RAB9B: variants seen among roughly 807,000 people sequenced by gnomAD.
The protein encoded by RAB9B is RAB9B, member RAS oncogene family, also known as ras-related protein Rab-9B.
RAB9B carries 1 observed loss-of-function variant against 8.9 expected under a neutral mutation model. The ratio of observed to expected loss-of-function variants is 0.11; its 90% confidence interval spans 0.04 to 0.53. The LOEUF (loss-of-function observed/expected upper bound fraction) is 0.53. Ranked by LOEUF, RAB9B falls within the 20% of genes least tolerant of loss-of-function variation. RAB9B has a pLI of 0.93. For missense variants in RAB9B, 82 were observed against 152.9 expected (o/e 0.54, Z 2.45); for synonymous variants, 63 against 57.0 (o/e 1.10, Z -0.47).
At chrX:103,779,424 GACTA>G in the RAB9B span, among the ~76,000 whole-genome samples, 3 of 111,779 alleles carry the variant, frequency 2.7e-5, no homozygotes, top group Non-Finnish European at 3.8e-5. Context: ...AATGCCCGAA[GACTA>G]ACTGAGTCCC....
the RAB9B span, chrX:103,790,384 G>A: frequency 1.8e-6 from 1 of 558,633 alleles, no homozygotes; most frequent in South Asian, 2.4e-5. Context: ...CCAAGCCTGG[G>A]ATGTACTGCT....
chrX:103,777,460 C>T, the RAB9B span, among the ~76,000 whole-genome samples: 8 of 111,973 alleles, frequency 7.1e-5, no homozygotes, highest in East Asian at 1.4e-3. Context: ...AGCTGGGGAT[C>T]GGGCAAGCTG....
At chrX:103,788,387 C>T in the RAB9B span, 1 of 901,139 alleles carries the variant, frequency 1.1e-6, no homozygotes, top group African/African-American at 2.0e-5. Flanking sequence ...CTCCATGTGG[C>T]CCCGTAACTC....
chrX:103,812,852 C>A, the RAB9B span, among the ~76,000 whole-genome samples: 5 of 109,916 alleles, frequency 4.5e-5, no homozygotes, highest in Non-Finnish European at 9.5e-5. Flanking sequence ...TCTCTGTGTC[C>A]TCCAAACTAC....
the RAB9B span, chrX:103,785,519 G>A: frequency 3.3e-5 from 32 of 970,243 alleles, no homozygotes; most frequent in Non-Finnish European, 4.6e-5. Flanking sequence ...CCTGGCAGAG[G>A]GGTTTGAGTG....
intron 1 of RAB9B, among the ~76,000 whole-genome samples, chrX:103,827,327 A>G (rs1479781712): frequency 8.9e-6 from 1 of 112,037 alleles, no homozygotes; most frequent in East Asian, 2.8e-4. Flanking sequence ...TACATTTTAT[A>G]TTGTCTCTCA....
At chrX:103,788,410 C>T in the RAB9B span, 16 of 1,143,417 alleles carry the variant, frequency 1.4e-5, no homozygotes, top group Admixed American at 4.4e-5. Context: ...TAAAGCTTAC[C>T]CTGCTTGCTT....
At chrX:103,781,486 C>T in the RAB9B span, among the ~76,000 whole-genome samples, 1 of 112,328 alleles carries the variant, frequency 8.9e-6, no homozygotes, top group Non-Finnish European at 1.9e-5. Flanking sequence ...GCCCACACAA[C>T]TTCGTTATAT....
At chrX:103,790,663 T>C in the RAB9B span, 17 of 824,648 alleles carry the variant, frequency 2.1e-5, no homozygotes, top group Admixed American at 1.8e-4. Context: ...CAATGCTGCG[T>C]CTCCCATCTT....
At position 103,824,481 on chromosome X, in the gene RAB9B, T is replaced by C. The variant is rs1192017822; in HGVS notation, c.*698A>G. ...TTATTTGCAAAGGTGGTTGGCATAT[T>C]TAAGCATAATCCATTCACTAGTATC... On this transcript the variant is annotated 3_prime_UTR_variant, in exon 3 of 3. Transcript: ENST00000243298. 8.9e-6 allele frequency: 1 copy of C among 112,365 alleles called. No individual in the cohort carries two copies. Among genetic ancestry groups the C allele is most frequent in the Admixed American group, 9.4e-5 (1 of 10,617 alleles). The allele number at this position is 112,365 out of a possible 1,213,427, so 9.3% of individuals were successfully genotyped here.
the RAB9B span, among the ~76,000 whole-genome samples, chrX:103,805,090 A>G: frequency 0.23 from 25,627 of 110,885 alleles, 2,406 homozygotes; most frequent in Admixed American, 0.32. Context: ...TTGATCATAG[A>G]AGGAAAGCTT....
At chrX:103,808,758 G>T in the RAB9B span, among the ~76,000 whole-genome samples, 1 of 112,823 alleles carries the variant, frequency 8.9e-6, no homozygotes, top group Non-Finnish European at 1.9e-5. Context: ...GGGCAAGAGG[G>T]TCAGTAAGAA....
chrX:103,788,585 T>C, the RAB9B span: 1 of 800,513 alleles, frequency 1.2e-6, no homozygotes, highest in Non-Finnish European at 1.9e-6. Context: ...CCTTCAATTT[T>C]AAGGACTGAA....
chrX:103,802,475 A>G, the RAB9B span, among the ~76,000 whole-genome samples: 1 of 111,458 alleles, frequency 9.0e-6, no homozygotes, highest in East Asian at 2.8e-4. Context: ...TCTGATACAT[A>G]TTAAGGGTAA....
chrX:103,805,937 C>T, the RAB9B span, among the ~76,000 whole-genome samples: 5 of 110,861 alleles, frequency 4.5e-5, no homozygotes, highest in East Asian at 1.1e-3. Flanking sequence ...TACCTCTAAT[C>T]TTTTTGTTTG....
chrX:103,778,193 A>G, the RAB9B span, among the ~76,000 whole-genome samples: 4 of 112,377 alleles, frequency 3.6e-5, no homozygotes, highest in Non-Finnish European at 5.6e-5. Context: ...GACAGCAATA[A>G]CTACTTTGTC....
rs1569435484 is a variant in RAB9B at position 103,825,835 on chromosome X, A to AT, written c.-42-10_-42-9insA. ...TTTGTAACCAAGAGAACCTGAAAAT[A>AT]AAAGGAAAAGTAGGAGGGAAAACAG... On this transcript the variant is annotated splice_polypyrimidine_tract_variant and intron_variant, in intron 2 of 2. Transcript: ENST00000243298. 3 of 1,096,831 alleles carry AT rather than the reference A, an allele frequency of 2.7e-6. No individual in the cohort carries two copies. Among genetic ancestry groups the AT allele is most frequent in the Non-Finnish European group, 3.6e-6 (3 of 822,699 alleles). 90.4% of individuals were successfully genotyped at this position (1,096,831 alleles called of 1,213,427 possible).
chrX:103,779,603 G>A, the RAB9B span, among the ~76,000 whole-genome samples: 8 of 111,903 alleles, frequency 7.1e-5, no homozygotes, highest in Non-Finnish European at 1.1e-4. Flanking sequence ...GGAGTTCTTG[G>A]AAAGCCAGGC....
chrX:103,816,748 A>C, the RAB9B span, among the ~76,000 whole-genome samples: 1 of 112,289 alleles, frequency 8.9e-6, no homozygotes, highest in African/African-American at 3.2e-5. Context: ...AAAATCAAAC[A>C]ACCCCATCAA....
Sources: allele counts gnomAD v4.1 joint callset (sites outside exome capture counted in the v4.1 genomes callset), GRCh38; gene constraint gnomAD v4.1.1; transcripts MANE v1.5; gene names NCBI Gene and HGNC (gene_info 2026-07-23, HGNC 2026-07-21).